The following MEP1A variants were observed in gnomAD, a reference collection of about 807,000 sequenced individuals.
MEP1A encodes meprin A subunit alpha, also known as N-benzoyl-L-tyrosyl-P-amino-benzoic acid hydrolase subunit alpha.
In MEP1A, 68 loss-of-function variants were observed where a neutral mutation model predicts 84.5. That is an observed-to-expected ratio of 0.80 (90% CI 0.66 to 0.98). The LOEUF (loss-of-function observed/expected upper bound fraction) is 0.98, where lower values mean the gene tolerates loss of function less well. Ranked by LOEUF, MEP1A falls within the 50% of genes least tolerant of loss-of-function variation. The pLI, the probability that MEP1A is intolerant of heterozygous loss-of-function variation, is 0.00. For missense variants in MEP1A, 887 were observed against 919.9 expected (o/e 0.96, Z 0.46); for synonymous variants, 337 against 336.8 (o/e 1.00, Z -0.01).
rs1405811509 is a variant in MEP1A at position 46,834,616 on chromosome 6, G to C, written c.1648G>C (p.Val550Leu). The change falls in exon 12 of 14, where the codon GTG becomes CTG. Residue 550 changes from valine (V) to leucine (L), a missense_variant. Coordinates refer to ENST00000230588, the MANE Select transcript of MEP1A (RefSeq NM_005588.3). ...TGTCATCTGGGACAGGCCGTCCAGG[G>C]TGGGAACCTATCATACGGACTGTAA... ...DTVIWDRPSR[V>L]GTYHTDCNCF... 5 of 1,611,394 alleles carry C rather than the reference G, an allele frequency of 3.1e-6. No individual in the cohort carries two copies. Among genetic ancestry groups the C allele is most frequent in the Non-Finnish European group, 4.2e-6 (5 of 1,179,492 alleles).
At chr6:46,805,815 C>T (rs944823587) in intron 5 of MEP1A, among the ~76,000 whole-genome samples, 22 of 151,828 alleles carry the variant, frequency 1.4e-4, no homozygotes, top group African/African-American at 5.1e-4. Flanking sequence ...TTTTAAATAA[C>T]CAAATCTGAA....
intron 7 of MEP1A, among the ~76,000 whole-genome samples, chr6:46,820,208 C>T (rs931739224): frequency 8.5e-5 from 13 of 152,110 alleles, no homozygotes; most frequent in African/African-American, 3.1e-4. Context: ...TGAAATAACA[C>T]CCCAATTATG....
intron 6 of MEP1A, among the ~76,000 whole-genome samples, chr6:46,818,509 G>A (rs985014978): frequency 1.3e-5 from 2 of 152,080 alleles, no homozygotes; most frequent in Non-Finnish European, 2.9e-5. Flanking sequence ...GAAAGCTTTG[G>A]GTTTGCTAAT....
intron 3 of MEP1A, among the ~76,000 whole-genome samples, chr6:46,794,185 T>C (rs999200500): frequency 3.3e-5 from 5 of 152,176 alleles, no homozygotes; most frequent in African/African-American, 7.2e-5. Context: ...TTTACAAATA[T>C]ATTTCTTGAA....
At chr6:46,826,332 A>G in intron 8 of MEP1A, 22 bp from the exon 9 acceptor site, 2 of 1,573,182 alleles carry the variant, frequency 1.3e-6, no homozygotes, top group Non-Finnish European at 1.7e-6. Context: ...TTTTAACCAG[A>G]TGATAAAAAT....
intron 6 of MEP1A, among the ~76,000 whole-genome samples, chr6:46,816,585 G>A (rs547975942): frequency 3.7e-4 from 56 of 152,044 alleles, no homozygotes; most frequent in African/African-American, 1.3e-3. Flanking sequence ...GAAGAAGAAG[G>A]GGAGGAGGGG....
intron 9 of MEP1A, among the ~76,000 whole-genome samples, chr6:46,828,757 T>G (rs77272255): frequency 6.6e-6 from 1 of 152,294 alleles, no homozygotes; most frequent in East Asian, 1.9e-4. Context: ...CCCTCTTCAG[T>G]GTCCTTCCAA....
downstream of MEP1A, among the ~76,000 whole-genome samples, chr6:46,841,189 G>T (rs1295061650): frequency 6.6e-6 from 1 of 152,134 alleles, no homozygotes; most frequent in Non-Finnish European, 1.5e-5. Flanking sequence ...AAAACTGCTA[G>T]GTCAAAATAA....
chr6:46,805,408 T>A (rs1372593154), intron 5 of MEP1A, among the ~76,000 whole-genome samples: 2 of 151,980 alleles, frequency 1.3e-5, no homozygotes, highest in Admixed American at 1.3e-4. Flanking sequence ...TGACTAGTAA[T>A]GTTGACCTCC....
intron 11 of MEP1A, 123 bp downstream of exon 11, chr6:46,833,661 T>C (rs1001623450): frequency 9.6e-6 from 7 of 725,866 alleles, no homozygotes; most frequent in Non-Finnish European, 1.6e-5. Context: ...ACCAATAACA[T>C]AGTCTTGTTG....
Position 46,793,405 on chromosome 6 carries a change from T to C in MEP1A, c.7T>C (p.Trp3Arg). 6.3e-7 allele frequency: 1 copy of C among 1,586,570 alleles called. No homozygotes were observed. The highest frequency in any genetic ancestry group is 1.2e-5 in the South Asian group (1 of 85,216). The change falls in exon 1 of 14, where the codon TGG becomes CGG. Residue 3 changes from tryptophan to arginine, a missense_variant. Transcript: ENST00000230588. The stretch of plus-strand genomic sequence containing the variant: ...AATCAGCTCACTTGCAGCAATGGCT[T>C]GGATTAGATCCACTTGCATTCTCTT... Reference protein sequence around the residue: MAWIRSTCILFFT... With the variant: MARIRSTCILFFT...
At chr6:46,810,877 AG>A (rs1767482059) in intron 6 of MEP1A, among the ~76,000 whole-genome samples, 2 of 152,160 alleles carry the variant, frequency 1.3e-5, no homozygotes, top group African/African-American at 2.4e-5. Context: ...ATGGCCTTAC[AG>A]TATAGTTTGA....
intron 7 of MEP1A, among the ~76,000 whole-genome samples, chr6:46,823,413 A>C (rs935586942): frequency 3.9e-5 from 6 of 152,200 alleles, no homozygotes; most frequent in Non-Finnish European, 7.3e-5. Flanking sequence ...GGGGTTTGAG[A>C]CCAGCCTGGC....
At chr6:46,800,395 A>G (rs1767172842) in intron 5 of MEP1A, among the ~76,000 whole-genome samples, 1 of 152,162 alleles carries the variant, frequency 6.6e-6, no homozygotes, top group Non-Finnish European at 1.5e-5. Flanking sequence ...GGTGTGTGAG[A>G]TGTTGCATGT....
chr6:46,820,423 T>A (rs764540746), intron 7 of MEP1A, among the ~76,000 whole-genome samples: 7 of 152,204 alleles, frequency 4.6e-5, no homozygotes, highest in Non-Finnish European at 1.0e-4. Flanking sequence ...AGAGTTTTGC[T>A]CTTGTGGCCC....
chr6:46,807,839 GGA>G (rs1767401062), intron 5 of MEP1A, among the ~76,000 whole-genome samples: 1 of 110,842 alleles, frequency 9.0e-6, no homozygotes, highest in Non-Finnish European at 2.2e-5. Context: ...AAGAAAGAAA[GGA>G]AGAAAGGAAA....
intron 5 of MEP1A, among the ~76,000 whole-genome samples, chr6:46,807,807 GA>G (rs1562107071): frequency 8.1e-5 from 12 of 148,682 alleles, no homozygotes; most frequent in Non-Finnish European, 1.3e-4. Flanking sequence ...AAGAAAGAAA[GA>G]AAGAAAGAAA....
intron 5 of MEP1A, among the ~76,000 whole-genome samples, chr6:46,804,412 T>C (rs1303705979): frequency 6.6e-6 from 1 of 151,764 alleles, no homozygotes; most frequent in Non-Finnish European, 1.5e-5. Context: ...AAAAGCATTA[T>C]GCAGCGAACA....
intron 6 of MEP1A, among the ~76,000 whole-genome samples, chr6:46,815,018 C>T (rs538841085): frequency 5.3e-5 from 8 of 152,152 alleles, no homozygotes; most frequent in Non-Finnish European, 1.2e-4. Context: ...TTTGTGTTGG[C>T]AATCCTCCAG....
Sources: allele counts gnomAD v4.1 joint callset (sites outside exome capture counted in the v4.1 genomes callset), GRCh38; gene constraint gnomAD v4.1.1; transcripts MANE v1.5; gene names NCBI Gene and HGNC (gene_info 2026-07-23, HGNC 2026-07-21).